PTPRG: variants seen among roughly 807,000 people sequenced by gnomAD.
PTPRG encodes the protein protein tyrosine phosphatase receptor type G.
PTPRG carries 102 observed loss-of-function variants against 165.3 expected under a neutral mutation model. The ratio of observed to expected loss-of-function variants is 0.62; its 90% confidence interval spans 0.53 to 0.73. The LOEUF is 0.73. Among genes scored for constraint, PTPRG ranks in the 30% least tolerant of loss-of-function variants. The pLI, the probability that PTPRG is intolerant of heterozygous loss-of-function variation, is 0.00. For synonymous variants in PTPRG, 675 were observed against 669.5 expected (o/e 1.01, Z -0.13); for missense variants, 1,866 against 1,861.4 (o/e 1.00, Z -0.05).
chr3:62,063,881 A>G (rs1193659495), intron 4 of PTPRG, among the ~76,000 whole-genome samples: 1 of 152,126 alleles, frequency 6.6e-6, no homozygotes, highest in East Asian at 1.9e-4. Flanking sequence ...GTGGTAAAAG[A>G]TACATGAAGA....
intron 1 of PTPRG, among the ~76,000 whole-genome samples, chr3:61,726,667 T>C (rs1174140512): frequency 6.6e-6 from 1 of 152,220 alleles, no homozygotes; most frequent in African/African-American, 2.4e-5. Flanking sequence ...AGGATTATTA[T>C]TATTGTATTT....
At chr3:61,789,784 T>A (rs1054246957) in intron 2 of PTPRG, among the ~76,000 whole-genome samples, 1 of 152,228 alleles carries the variant, frequency 6.6e-6, no homozygotes, top group Non-Finnish European at 1.5e-5. Flanking sequence ...ACTTACTGCT[T>A]TGGAGGTACT....
Position 62,083,561 on chromosome 3 carries a change from A to C in PTPRG, c.615+5303A>C, listed in dbSNP as rs376595337. On this transcript the variant is annotated intron_variant, in intron 5 of 29. Transcript: ENST00000474889. ...TACATGAAATAGAATCAGTGGAATA[A>C]TTAGGCAATTTGTGGAAGGATACTT... 6.6e-5 allele frequency among the ~76,000 whole-genome samples: 10 copies of C among 152,358 alleles called. No homozygotes were observed. The East Asian group carries it at 1.7e-3, about 26-fold the overall frequency.
chr3:61,968,385 G>A (rs560041718), intron 2 of PTPRG, among the ~76,000 whole-genome samples: 1 of 152,010 alleles, frequency 6.6e-6, no homozygotes, highest in African/African-American at 2.4e-5. Context: ...CCTTTTTGAC[G>A]CTAAGAATAT....
chr3:62,272,193 T>C (rs543535560), intron 21 of PTPRG, among the ~76,000 whole-genome samples: 2 of 152,310 alleles, frequency 1.3e-5, no homozygotes, highest in East Asian at 1.9e-4. Flanking sequence ...ACACAAGAAC[T>C]TTCCACACTA....
intron 2 of PTPRG, among the ~76,000 whole-genome samples, chr3:61,988,420 C>G (rs139105703): frequency 2.6e-5 from 4 of 152,114 alleles, no homozygotes; most frequent in Non-Finnish European, 5.9e-5. Context: ...GTGGCAGCCA[C>G]TCATGTGGAC....
intron 15 of PTPRG, among the ~76,000 whole-genome samples, chr3:62,253,583 T>C (rs1223930550): frequency 1.3e-5 from 2 of 152,194 alleles, no homozygotes; most frequent in Non-Finnish European, 2.9e-5. Context: ...AGAATTTGCT[T>C]CTAAACATTT....
intron 1 of PTPRG, among the ~76,000 whole-genome samples, chr3:61,593,845 A>C (rs927984763): frequency 1.3e-5 from 2 of 152,192 alleles, no homozygotes; most frequent in Non-Finnish European, 2.9e-5. Context: ...GTACTCATCA[A>C]GACCTCATTT....
At position 62,217,752 on chromosome 3, in the gene PTPRG, C is replaced by G. The variant is rs1359204701; in HGVS notation, c.2156-1099C>G. The G allele has an allele frequency of 1.3e-5, 2 of 152,732 alleles. No homozygotes were observed. Among genetic ancestry groups the G allele is most frequent in the African/African-American group, 4.8e-5 (2 of 41,440 alleles). The allele number at this position is 152,732 out of a possible 1,614,324, so 9.5% of individuals were successfully genotyped here. A position where few individuals can be genotyped will look rare whatever the true frequency, so the allele number is the denominator to read the frequency against. ...CCCAACCAGGGCTTCATTTGGGCCA[C>G]CTGGCATGTTCCGGGCATCTTCTTC... On this transcript the variant is annotated intron_variant, in intron 12 of 29. Coordinates refer to ENST00000474889, the MANE Select transcript of PTPRG (RefSeq NM_002841.4). The surrounding 1 kb of genome is among the most constrained non-coding windows in gnomAD (Gnocchi z 4.3).
intron 4 of PTPRG, among the ~76,000 whole-genome samples, chr3:62,026,879 TA>T (rs200417191): frequency 0.017 from 1,643 of 94,584 alleles, 57 homozygotes; most frequent in Non-Finnish European, 0.019. Flanking sequence ...GAGTGAGAAT[TA>T]AAAAAAAAAA....
intron 2 of PTPRG, among the ~76,000 whole-genome samples, chr3:61,866,582 C>CTT (rs532356516): frequency 0.015 from 1,036 of 69,060 alleles, 334 homozygotes; most frequent in Non-Finnish European, 0.022. Flanking sequence ...ACTGTTTGCT[C>CTT]TTTTTTTTTT....
chr3:61,848,873 G>A (rs2036879030), intron 2 of PTPRG, among the ~76,000 whole-genome samples: 1 of 152,208 alleles, frequency 6.6e-6, no homozygotes, highest in Admixed American at 6.5e-5. Flanking sequence ...TCATAAAGAG[G>A]CAGGTAATTC....
chr3:62,176,731 A>C (rs1705440705), intron 8 of PTPRG, among the ~76,000 whole-genome samples: 1 of 152,234 alleles, frequency 6.6e-6, no homozygotes, highest in South Asian at 2.1e-4. Context: ...CCGTGGGGCC[A>C]TTTAGGCAGA....
chr3:61,804,691 A>T (rs58449048), intron 2 of PTPRG, among the ~76,000 whole-genome samples: 2,343 of 152,078 alleles, frequency 0.015, 49 homozygotes, highest in African/African-American at 0.046. Flanking sequence ...AAAAAAAAAA[A>T]AAAATAAAAT....
At chr3:62,002,794 A>C (rs2107721573) in intron 3 of PTPRG, among the ~76,000 whole-genome samples, 2 of 152,334 alleles carry the variant, frequency 1.3e-5, no homozygotes, top group East Asian at 3.9e-4. Context: ...TACTGTTATT[A>C]AATACAGACT....
chr3:62,210,893 TC>T lies in PTPRG; in HGVS notation c.2155+6944del, dbSNP rs764421931. 7.2e-5 allele frequency among the ~76,000 whole-genome samples: 11 copies of T among 152,218 alleles called. No individual in the cohort carries two copies. Among genetic ancestry groups the T allele is most frequent in the Non-Finnish European group, 1.6e-4 (11 of 68,034 alleles). On this transcript the variant is annotated intron_variant, in intron 12 of 29. Coordinates refer to ENST00000474889, the MANE Select transcript of PTPRG (RefSeq NM_002841.4). This position sits in a 1 kb window ranked among gnomAD's most constrained non-coding sequence, Gnocchi z 4.1. ...TTTATGTTATTGGTGAGGCTTCCGG[TC>T]ATCAGTAGGCTATTAGCAGGAAAGC... is the stretch of plus-strand genomic sequence containing the variant.
chr3:62,087,999 T>C (rs1338365411), intron 5 of PTPRG, among the ~76,000 whole-genome samples: 1 of 152,232 alleles, frequency 6.6e-6, no homozygotes, highest in Non-Finnish European at 1.5e-5. Flanking sequence ...GAGTATAGAA[T>C]AAATGCTGTG....
At chr3:61,821,638 A>C (rs560408239) in intron 2 of PTPRG, among the ~76,000 whole-genome samples, 1 of 152,334 alleles carries the variant, frequency 6.6e-6, no homozygotes, top group Non-Finnish European at 1.5e-5. Flanking sequence ...GATGACCCTA[A>C]GCATAGAAGA....
chr3:62,132,453 T>C (rs1287700147), intron 5 of PTPRG, 149 bp from the exon 6 acceptor site: 7 of 629,802 alleles, frequency 1.1e-5, no homozygotes, highest in Non-Finnish European at 2.0e-5. Context: ...ATAAATCTCC[T>C]GCATTTGGTG....
Sources: allele counts gnomAD v4.1 joint callset (sites outside exome capture counted in the v4.1 genomes callset), GRCh38; gene constraint gnomAD v4.1.1; non-coding constraint Gnocchi (gnomAD v3.1); transcripts MANE v1.5; gene names NCBI Gene and HGNC (gene_info 2026-07-23, HGNC 2026-07-21).